The following CLYBL variants were observed in gnomAD, a reference collection of about 807,000 sequenced individuals.
The protein encoded by CLYBL is citramalyl-CoA lyase, mitochondrial.
In CLYBL, 31 loss-of-function variants were observed where a neutral mutation model predicts 38.9. That is an observed-to-expected ratio of 0.80 (90% confidence interval 0.60 to 1.08). CLYBL has a LOEUF of 1.08. CLYBL is among the 50% of genes least tolerant of loss of function. CLYBL has a pLI of 0.00. For synonymous variants in CLYBL, 171 were observed against 158.6 expected (o/e 1.08, Z -0.59); for missense variants, 434 against 411.6 (o/e 1.05, Z -0.47).
chr13:99,821,732 A>G (rs1319224510), intron 2 of CLYBL, among the ~76,000 whole-genome samples: 2 of 152,250 alleles, frequency 1.3e-5, no homozygotes, highest in Non-Finnish European at 2.9e-5. Flanking sequence ...ATAAATTCCC[A>G]GTGAGCTTGC....
intron 2 of CLYBL, among the ~76,000 whole-genome samples, chr13:99,811,706 C>T (rs969071658): frequency 6.6e-6 from 1 of 152,150 alleles, no homozygotes; most frequent in Non-Finnish European, 1.5e-5. Flanking sequence ...CTAAAGCAGC[C>T]CGCCCCTCTG....
chr13:99,752,761 TG>T (rs777503081), intron 1 of CLYBL, among the ~76,000 whole-genome samples: 3 of 152,038 alleles, frequency 2.0e-5, no homozygotes, highest in African/African-American at 4.8e-5. Flanking sequence ...CAGTATCTCA[TG>T]GGCCAAGCTT....
At chr13:99,771,162 G>A (rs544324313) in intron 1 of CLYBL, among the ~76,000 whole-genome samples, 36 of 151,368 alleles carry the variant, frequency 2.4e-4, no homozygotes, top group Non-Finnish European at 4.7e-4. Flanking sequence ...TCAGCCTCCT[G>A]AGTAGCTGTG....
chr13:99,850,787 AAATG>A (rs2051312665), intron 2 of CLYBL, among the ~76,000 whole-genome samples: 4 of 152,380 alleles, frequency 2.6e-5, no homozygotes, highest in African/African-American at 7.2e-5. Flanking sequence ...GTCTACCAAC[AAATG>A]AATGGATAAA....
At chr13:99,687,294 G>T (rs1349407075) in intron 1 of CLYBL, among the ~76,000 whole-genome samples, 1 of 152,206 alleles carries the variant, frequency 6.6e-6, no homozygotes, top group Non-Finnish European at 1.5e-5. Flanking sequence ...TGCCTGCCTT[G>T]AATTAGCCAT....
At chr13:99,638,088 TG>T (rs2139258414) in intron 1 of CLYBL, among the ~76,000 whole-genome samples, 1 of 150,472 alleles carries the variant, frequency 6.6e-6, no homozygotes, top group East Asian at 2.0e-4. Flanking sequence ...CTTAGCCTCC[TG>T]AGTAGCTAAG....
intron 2 of CLYBL, among the ~76,000 whole-genome samples, chr13:99,774,938 A>G (rs926893576): frequency 3.9e-5 from 6 of 152,232 alleles, no homozygotes; most frequent in African/African-American, 1.2e-4. Flanking sequence ...TGTGTGACCC[A>G]GGGCAATTCA....
chr13:99,680,953 A>G (rs529945915), intron 1 of CLYBL, among the ~76,000 whole-genome samples: 12 of 152,180 alleles, frequency 7.9e-5, no homozygotes, highest in Admixed American at 1.3e-4. Context: ...TTCCTATTCC[A>G]TGAAAGGAAG....
intron 1 of CLYBL, among the ~76,000 whole-genome samples, chr13:99,756,345 A>C (rs1237421632): frequency 6.6e-6 from 1 of 152,224 alleles, no homozygotes; most frequent in African/African-American, 2.4e-5. Flanking sequence ...AAGACACCTT[A>C]GTTGTACTTA....
At chr13:99,895,968 G>C (rs562449952), downstream of CLYBL, 4 of 152,006 alleles carry the variant, frequency 2.6e-5, no homozygotes, top group African/African-American at 9.6e-5. Context: ...TCTTCCGACG[G>C]AAGGGCACCG....
chr13:99,616,501 C>T (rs2046713174), intron 1 of CLYBL, among the ~76,000 whole-genome samples: 1 of 152,062 alleles, frequency 6.6e-6, no homozygotes, highest in Non-Finnish European at 1.5e-5. Flanking sequence ...GTTTCCAGAC[C>T]TAAAAAGGCC....
At chr13:99,761,786 A>G (rs550840770) in intron 1 of CLYBL, among the ~76,000 whole-genome samples, 13 of 152,334 alleles carry the variant, frequency 8.5e-5, no homozygotes, top group South Asian at 2.1e-4. Context: ...ATTTTCATCA[A>G]CAGTGTACAA....
At chr13:99,841,663 G>A (rs1222649325) in intron 2 of CLYBL, among the ~76,000 whole-genome samples, 4 of 152,166 alleles carry the variant, frequency 2.6e-5, no homozygotes, top group African/African-American at 9.6e-5. Context: ...GGCTCCCAAA[G>A]TGCCGGCATC....
intron 1 of CLYBL, among the ~76,000 whole-genome samples, chr13:99,711,599 T>C (rs1318411717): frequency 6.8e-6 from 1 of 146,826 alleles, no homozygotes; most frequent in East Asian, 2.4e-4. Context: ...AGAGATGGCG[T>C]TTCTCCATGT....
At chr13:99,680,329 G>T (rs1178854551) in intron 1 of CLYBL, among the ~76,000 whole-genome samples, 1 of 152,136 alleles carries the variant, frequency 6.6e-6, no homozygotes, top group Non-Finnish European at 1.5e-5. Context: ...AATTTTCCTA[G>T]ATTCTACTTT....
At chr13:99,774,568 G>A (rs1172091756) in intron 2 of CLYBL, among the ~76,000 whole-genome samples, 1 of 152,090 alleles carries the variant, frequency 6.6e-6, no homozygotes, top group Non-Finnish European at 1.5e-5. Context: ...AAAGTTTCTT[G>A]CGCCAGGTGA....
At chr13:99,743,050 CT>C (rs749218314) in intron 1 of CLYBL, among the ~76,000 whole-genome samples, 143 of 143,258 alleles carry the variant, frequency 1.0e-3, no homozygotes, top group South Asian at 2.5e-3. Context: ...TTTTCTTTTT[CT>C]TTTTTTTTTT....
rs548917421 is a variant in CLYBL at position 99,727,348 on chromosome 13, G to A, written c.63-45476G>A. 9 of 152,068 alleles carry A rather than the reference G, an allele frequency of 5.9e-5. 1 individual carries two copies. In the South Asian group the frequency reaches 1.5e-3, roughly 25 times the overall value. The allele number at this position is 152,068 out of a possible 1,614,324, so 9.4% of individuals were successfully genotyped here. ...TGGCGTGGTAATTGCTGAGAAGAAA[G>A]AACTTCCTTAACTGAATCAAGCCTG... is the stretch of plus-strand genomic sequence containing the variant. On this transcript the variant is annotated intron_variant, in intron 1 of 8. Transcript: ENST00000339105.
chr13:99,806,769 C>G (rs1407569379), intron 2 of CLYBL, among the ~76,000 whole-genome samples: 1 of 152,176 alleles, frequency 6.6e-6, no homozygotes, highest in East Asian at 1.9e-4. Flanking sequence ...CTCCTCTTAC[C>G]ATATTCTAAA....
Sources: gnomAD v4.1 joint callset for allele counts (sites outside exome capture counted in the v4.1 genomes callset) on GRCh38, gnomAD v4.1.1 for gene constraint, MANE v1.5 for transcripts, NCBI Gene and HGNC (gene_info 2026-07-23, HGNC 2026-07-21) for gene names.